USH2A: variants seen among roughly 807,000 people sequenced by gnomAD.
USH2A encodes Usher syndrome 2A (autosomal recessive, mild).
USH2A carries 443 observed loss-of-function variants against 538.9 expected under a neutral mutation model. The observed-to-expected ratio is 0.82, with a 90% CI of 0.76 to 0.89. The LOEUF (loss-of-function observed/expected upper bound fraction) is 0.89, where lower values mean the gene tolerates loss of function less well. Ranked by LOEUF, USH2A falls within the 40% of genes least tolerant of loss-of-function variation. USH2A has a pLI of 0.00. For missense variants in USH2A, 6,633 were observed against 6,324.8 expected (o/e 1.05, Z -1.65); for synonymous variants, 2,413 against 2,273.5 (o/e 1.06, Z -1.75).
chr1:216,252,829 G>T (rs995184879), intron 11 of USH2A, among the ~76,000 whole-genome samples: 2 of 152,144 alleles, frequency 1.3e-5, no homozygotes, highest in African/African-American at 4.8e-5. Context: ...TACAAAAATA[G>T]ATGGCATTTA....
At chr1:216,272,314 G>A (rs1167943806) in intron 11 of USH2A, among the ~76,000 whole-genome samples, 2 of 152,002 alleles carry the variant, frequency 1.3e-5, no homozygotes, top group East Asian at 1.9e-4. Context: ...AATGTGCAAC[G>A]ACATTGATGT....
chr1:216,084,643 C>G, intron 25 of USH2A, 55 bp downstream of exon 25: 2 of 1,587,132 alleles, frequency 1.3e-6, no homozygotes, highest in Non-Finnish European at 1.7e-6. Context: ...TTAAATTATA[C>G]AAAGGATAGA....
intron 29 of USH2A, among the ~76,000 whole-genome samples, chr1:216,071,478 G>A (rs562012820): frequency 5.6e-4 from 86 of 152,270 alleles, no homozygotes; most frequent in African/African-American, 2.0e-3. Flanking sequence ...CTTCTCATAA[G>A]GGACAGAGCA....
intron 46 of USH2A, 31 bp from the exon 47 acceptor site, chr1:215,838,134 C>A (rs752755319): frequency 6.4e-6 from 10 of 1,553,032 alleles, no homozygotes; most frequent in Non-Finnish European, 8.0e-6. Context: ...AAAATAAATG[C>A]AACCATTTTT....
At chr1:215,934,507 C>A in intron 38 of USH2A, 109 bp downstream of exon 38, 1 of 1,128,754 alleles carries the variant, frequency 8.9e-7, no homozygotes, top group Non-Finnish European at 1.3e-6. Flanking sequence ...ACAATTGAGC[C>A]TCTAAGTTCT....
intron 30 of USH2A, among the ~76,000 whole-genome samples, chr1:216,069,730 G>A (rs2031494961): frequency 6.6e-6 from 1 of 152,112 alleles, no homozygotes; most frequent in Admixed American, 6.6e-5. Flanking sequence ...AATAATAGTG[G>A]TATGAACTGG....
rs397517982 is a variant in USH2A, at chr1:215,675,172, C to T, written c.12739G>A (p.Gly4247Arg). The T allele has an allele frequency of 3.1e-6, 5 of 1,614,096 alleles. No homozygotes were observed. Among genetic ancestry groups the T allele is most frequent in the Non-Finnish European group, 4.2e-6 (5 of 1,180,016 alleles). ...EYKIYTWNSAGHTCSSWNVVR... is the reference protein window; with the variant it reads ...EYKIYTWNSARHTCSSWNVVR... ...ACATTCCAAGAGCTACAGGTATGCCCAGCTGAATTCCAAGTGTAGATTTTA... is the reference window on the plus strand; with the variant it reads ...ACATTCCAAGAGCTACAGGTATGCCTAGCTGAATTCCAAGTGTAGATTTTA... Residue 4247 changes from glycine to arginine, a missense_variant, in exon 63 of 72, where the codon GGG becomes AGG. Physicochemically the swap from Gly to Arg is moderately radical, Grantham distance 125. Transcript: ENST00000307340.
At chr1:215,730,236 T>C (rs1395357196) in intron 60 of USH2A, among the ~76,000 whole-genome samples, 1 of 152,326 alleles carries the variant, frequency 6.6e-6, no homozygotes. Context: ...GCAGGTTTGA[T>C]GGAAAGCAAA....
chr1:215,870,902 T>A (rs1212074429), intron 43 of USH2A, among the ~76,000 whole-genome samples: 2 of 152,184 alleles, frequency 1.3e-5, no homozygotes, highest in African/African-American at 4.8e-5. Flanking sequence ...TCAATTAACA[T>A]CATATACTTA....
chr1:216,198,452 T>G lies in USH2A; in HGVS notation c.3944A>C (p.Asn1315Thr). The change falls in exon 18 of 72, where the codon AAT becomes ACT. Residue 1315 changes from asparagine to threonine, a missense_variant. By Grantham distance (65) the Asn-to-Thr change is moderately conservative. Coordinates refer to ENST00000307340, the MANE Select transcript of USH2A (RefSeq NM_206933.4). ...CATTGTTTGAGGAGGTTTTAATGCA[T>G]TTTCATTGGCCGATTCTACAAATGA... is the stretch of plus-strand genomic sequence containing the variant. Reference protein sequence around the residue: ...PHSFVESANENALKPPQTMTT... With the variant: ...PHSFVESANETALKPPQTMTT... 1 of 1,614,042 alleles carries G rather than the reference T, an allele frequency of 6.2e-7. No individual in the cohort carries two copies. Among genetic ancestry groups the G allele is most frequent in the Non-Finnish European group, 8.5e-7 (1 of 1,179,966 alleles).
chr1:215,753,273 A>G (rs1660680012), intron 58 of USH2A, among the ~76,000 whole-genome samples: 2 of 152,134 alleles, frequency 1.3e-5, no homozygotes, highest in Admixed American at 6.5e-5. Flanking sequence ...GGGATCTTGA[A>G]CTAGAAATAC....
chr1:215,637,640 G>C (rs969341877), intron 69 of USH2A, among the ~76,000 whole-genome samples: 4 of 152,110 alleles, frequency 2.6e-5, no homozygotes, highest in Non-Finnish European at 1.5e-5. Flanking sequence ...ATTAAGTGTT[G>C]TAGGAAATTT....
intron 21 of USH2A, among the ~76,000 whole-genome samples, chr1:216,133,997 C>A (rs890876237): frequency 1.3e-5 from 2 of 151,978 alleles, no homozygotes; most frequent in African/African-American, 4.8e-5. Context: ...TTGGATCTAT[C>A]ATGTTGCTTC....
At chr1:216,096,382 C>T (rs895081434) in intron 22 of USH2A, among the ~76,000 whole-genome samples, 1 of 152,160 alleles carries the variant, frequency 6.6e-6, no homozygotes, top group Non-Finnish European at 1.5e-5. Context: ...ATCAGAATCT[C>T]CCCTGTACTG....
At chr1:216,182,218 T>C (rs533130868) in intron 20 of USH2A, among the ~76,000 whole-genome samples, 1 of 152,222 alleles carries the variant, frequency 6.6e-6, no homozygotes, top group East Asian at 1.9e-4. Context: ...GATGATTTTT[T>C]GCCTATTTAA....
chr1:215,756,213 T>G (rs2102738838), intron 58 of USH2A, among the ~76,000 whole-genome samples: 1 of 152,274 alleles, frequency 6.6e-6, no homozygotes, highest in South Asian at 2.1e-4. Flanking sequence ...TGGAGAAAAT[T>G]GAGGCCTAGA....
intron 3 of USH2A, among the ~76,000 whole-genome samples, chr1:216,378,313 G>T (rs903988937): frequency 6.6e-6 from 1 of 151,978 alleles, no homozygotes; most frequent in East Asian, 1.9e-4. Flanking sequence ...ATCTTTCATT[G>T]GTACTTTACA....
At chr1:215,709,275 C>T (rs546655638) in intron 61 of USH2A, among the ~76,000 whole-genome samples, 1 of 152,220 alleles carries the variant, frequency 6.6e-6, no homozygotes, top group East Asian at 1.9e-4. Flanking sequence ...ATTTCCACTC[C>T]TTTAAAAATG....
chr1:215,690,216 C>T (rs1658556157), intron 61 of USH2A, among the ~76,000 whole-genome samples: 1 of 152,180 alleles, frequency 6.6e-6, no homozygotes, highest in Non-Finnish European at 1.5e-5. Flanking sequence ...ACACTTAGTG[C>T]TGGCCCCACA....
Sources: gnomAD v4.1 joint callset for allele counts (sites outside exome capture counted in the v4.1 genomes callset) on GRCh38, gnomAD v4.1.1 for gene constraint, MANE v1.5 for transcripts, NCBI Gene and HGNC (gene_info 2026-07-23, HGNC 2026-07-21) for gene names.